Variants in PDGFRB observed in about 807,000 individuals in gnomAD.
The protein encoded by PDGFRB is platelet derived growth factor receptor beta.
In PDGFRB, 42 loss-of-function variants were observed where a neutral mutation model predicts 120.2. The observed-to-expected ratio is 0.35, with a 90% CI of 0.27 to 0.45. The LOEUF is 0.45. Among genes scored for constraint, PDGFRB ranks in the 20% least tolerant of loss-of-function variants. The probability of loss-of-function intolerance (pLI) is 1.00; values close to 1 mark genes in which losing one functional copy is unlikely to be tolerated. For synonymous variants in PDGFRB, 586 were observed against 606.8 expected, an observed-to-expected ratio of 0.97 and a Z score of 0.50; for missense variants, 1,149 against 1,476.3, an observed-to-expected ratio of 0.78 and a Z score of 3.63.
At position 150,124,718 on chromosome 5, in the gene PDGFRB, A is replaced by T. The variant is rs1416173170; in HGVS notation, c.1912+9T>A. On this transcript the variant is annotated intron_variant, in intron 13 of 22. Transcript: ENST00000261799. The stretch of plus-strand genomic sequence containing the variant: ...GGCCCAGATGTGGAGGGCTCCAAGG[A>T]CTACTCACATTTAAGCATCTTGACG... 1 of 1,346,512 alleles carries T rather than the reference A, an allele frequency of 7.4e-7. No individual in the cohort carries two copies. Among genetic ancestry groups the T allele is most frequent in the South Asian group, 1.2e-5 (1 of 83,610 alleles). 83.4% of individuals were successfully genotyped at this position (1,346,512 alleles called of 1,614,324 possible).
At position 150,121,980 on chromosome 5, in the gene PDGFRB, C is replaced by T. The variant is rs148789757; in HGVS notation, c.2244G>A (p.Ser748=). The part of the protein sequence containing the change: ...GGYMDMSKDE[S]VDYVPMLDMK... ...TGTCCAGCATGGGCACATAGTCCAC[C>T]GACTCGTCCTTGCTCATGTCCATGT... Residue 748 remains serine, a synonymous_variant, in exon 16 of 23, where the codon TCG becomes TCA. Coordinates refer to ENST00000261799, the MANE Select transcript of PDGFRB (RefSeq NM_002609.4). This position sits in a 1 kb window ranked among gnomAD's most constrained non-coding sequence, Gnocchi z 4.1. The T allele has an allele frequency of 1.9e-5, 31 of 1,613,510 alleles. 1 individual carries two copies. In the South Asian group the frequency reaches 2.7e-4, roughly 14 times the overall value.
In PDGFRB at chr5:150,115,723, G is replaced by A. The variant is rs778267993; in HGVS notation, c.*40C>T. 2.0e-4 allele frequency: 306 copies of A among 1,510,354 alleles called. 1 individual carries two copies. The highest frequency in any genetic ancestry group is 1.7e-3 in the Admixed American group (80 of 47,890). 93.6% of individuals were successfully genotyped at this position (1,510,354 alleles called of 1,614,324 possible). Reference sequence around the variant, plus strand: ...GGCCAGGAGATGCTGGGTGCTGGCAGGGGGGGAGCTTCAGGCAGGGCAGGG... The same window carrying A: ...GGCCAGGAGATGCTGGGTGCTGGCAAGGGGGGAGCTTCAGGCAGGGCAGGG... On this transcript the variant is annotated 3_prime_UTR_variant, in exon 23 of 23. Coordinates refer to ENST00000261799, the MANE Select transcript of PDGFRB (RefSeq NM_002609.4).
rs767216776 is a variant in PDGFRB at position 150,119,500 on chromosome 5, C to T, written c.2765G>A (p.Arg922His). The T allele has an allele frequency of 1.9e-6, 3 of 1,611,560 alleles. No individual in the cohort carries two copies. Among genetic ancestry groups the T allele is most frequent in the Non-Finnish European group, 2.5e-6 (3 of 1,177,634 alleles). The stretch of plus-strand genomic sequence containing the variant: ...GGAGGCATGGGCAGGCTGGGCCATG[C>T]GGTAACCCCGTTTGATGGCATTGTA... ...QFYNAIKRGY[R>H]MAQPAHASDE... is the part of the protein sequence containing the mutation. Residue 922 changes from arginine (R) to histidine (H), a missense_variant, in exon 20 of 23, where the codon CGC (arginine) becomes CAC (histidine). Arg to His is a conservative substitution (Grantham distance 29). Around this residue, in one of 3 missense-constraint regions of PDGFRB, gnomAD observed 68 missense variants for 153.3 expected, o/e 0.44. Coordinates refer to ENST00000261799, the MANE Select transcript of PDGFRB (RefSeq NM_002609.4).
At chr5:150,124,386 A>AGGCCC (rs779451120) in intron 13 of PDGFRB, 26 bp from the exon 14 acceptor site, 8 of 1,551,792 alleles carry the variant, frequency 5.2e-6, no homozygotes, top group Non-Finnish European at 7.1e-6. Context: ...GCCCCAGGCC[A>AGGCCC]GGCCCAGTCA....
chr5:150,122,173 A>AG (rs1219144989), intron 15 of PDGFRB, 133 bp from the exon 16 acceptor site: 9 of 702,274 alleles, frequency 1.3e-5, no homozygotes, highest in Non-Finnish European at 2.1e-5. Context: ...CCAGTAGGAA[A>AG]GCCTGTGGAT....
intron 19 of PDGFRB, 145 bp from the exon 20 acceptor site, chr5:150,119,711 T>C: frequency 1.6e-6 from 1 of 635,530 alleles, no homozygotes; most frequent in Non-Finnish European, 2.8e-6. Flanking sequence ...GTGGGCTCCT[T>C]CATGGGCTCT....
At chr5:150,129,647 T>G in intron 10 of PDGFRB, 110 bp downstream of exon 10, 2 of 820,172 alleles carry the variant, frequency 2.4e-6, no homozygotes, top group Non-Finnish European at 3.9e-6. Flanking sequence ...TGTTTGCCCC[T>G]GGGCATGCTA....
chr5:150,134,040 A>G, intron 4 of PDGFRB, 32 bp from the exon 5 acceptor site: 1 of 1,611,306 alleles, frequency 6.2e-7, no homozygotes, highest in Non-Finnish European at 8.5e-7. Flanking sequence ...AGGTCTGGGG[A>G]AGTCACCACC....
At chr5:150,116,990 C>G (rs1337475991) in intron 22 of PDGFRB, among the ~76,000 whole-genome samples, 1 of 152,222 alleles carries the variant, frequency 6.6e-6, no homozygotes, top group African/African-American at 2.4e-5. Context: ...TGGGCGTGGC[C>G]TCATGGGGAG....
intron 1 of PDGFRB, among the ~76,000 whole-genome samples, chr5:150,151,596 C>T (rs543763607): frequency 2.6e-4 from 39 of 152,226 alleles, no homozygotes; most frequent in Admixed American, 2.4e-3. Flanking sequence ...CGGTGGCTCA[C>T]GCCTGTAATC....
At chr5:150,139,493 CCGGGG>C (rs879367022) in intron 1 of PDGFRB, among the ~76,000 whole-genome samples, 8,345 of 151,956 alleles carry the variant, frequency 0.055, 766 homozygotes, top group African/African-American at 0.19. Flanking sequence ...ACGAATCTTA[CCGGGG>C]TGTTTTGAGG....
Position 150,115,754 on chromosome 5 carries a change from G to A in PDGFRB, c.*9C>T. On this transcript the variant is annotated 3_prime_UTR_variant, in exon 23 of 23. Transcript: ENST00000261799. ...GAGCTTCAGGCAGGGCAGGGTAGGGGCCAGCCCCCTACAGGAAGCTATCCT... is the reference window on the plus strand; with the variant it reads ...GAGCTTCAGGCAGGGCAGGGTAGGGACCAGCCCCCTACAGGAAGCTATCCT... The A allele has an allele frequency of 6.3e-7, 1 of 1,588,210 alleles. No individual in the cohort carries two copies. Among genetic ancestry groups the A allele is most frequent in the Non-Finnish European group, 8.6e-7 (1 of 1,166,496 alleles).
rs149609567 is a variant in PDGFRB, at chr5:150,155,066, C to T, written c.-7+331G>A. On this transcript the variant is annotated intron_variant, in intron 1 of 22. Transcript: ENST00000261799. ...CTACCTTCTCCCAATTCCCCTCTCC[C>T]GCTCTTCCCAGCTCTCCCCACTCCC... 2.1e-3 allele frequency among the ~76,000 whole-genome samples: 325 copies of T among 152,218 alleles called. 1 individual carries two copies. Among genetic ancestry groups the T allele is most frequent in the African/African-American group, 7.6e-3 (315 of 41,540 alleles).
intron 15 of PDGFRB, among the ~76,000 whole-genome samples, chr5:150,122,421 A>G (rs1760167910): frequency 6.6e-6 from 1 of 152,120 alleles, no homozygotes; most frequent in African/African-American, 2.4e-5. Flanking sequence ...TGCCTGTAGC[A>G]TCAGCTCCCC....
rs1562011077 is a variant in PDGFRB, at chr5:150,134,897, C to T, written c.484G>A (p.Glu162Lys). Reference sequence around the variant, plus strand: ...GGCAGTGCAACGTCCCCTTTCTTCTCGTGCAGTGTCACCACCAGCTGTGGG... The same window carrying T: ...GGCAGTGCAACGTCCCCTTTCTTCTTGTGCAGTGTCACCACCAGCTGTGGG... ...TDPQLVVTLH[E>K]KKGDVALPVP... Residue 162 changes from glutamate (E) to lysine (K), a missense_variant, in exon 4 of 23, where the codon GAG becomes AAG. Glu to Lys is a moderately conservative substitution (Grantham distance 56). This residue lies in a region of PDGFRB where 879 missense variants were observed against 1,108.6 expected (regional missense o/e 0.79). Coordinates refer to ENST00000261799, the MANE Select transcript of PDGFRB (RefSeq NM_002609.4). The T allele has an allele frequency of 1.9e-6, 3 of 1,614,112 alleles. No individual in the cohort carries two copies. Among genetic ancestry groups the T allele is most frequent in the Non-Finnish European group, 2.5e-6 (3 of 1,179,952 alleles).
Position 150,142,519 on chromosome 5 carries a change from C to T in PDGFRB, c.-6-5466G>A, listed in dbSNP as rs532183202. On this transcript the variant is annotated intron_variant, in intron 1 of 22. Coordinates refer to ENST00000261799, the MANE Select transcript of PDGFRB (RefSeq NM_002609.4). ...TGACCCAGTCCAGTCTTCTGTTCTC[C>T]GTACCGGGGCACTTTACAGGCCTGG... 3.9e-5 allele frequency among the ~76,000 whole-genome samples: 6 copies of T among 152,274 alleles called. No homozygotes were observed. The South Asian group carries it at 6.2e-4, about 16-fold the overall frequency.
intron 1 of PDGFRB, among the ~76,000 whole-genome samples, chr5:150,154,618 G>A (rs750529026): frequency 3.3e-5 from 5 of 152,198 alleles, no homozygotes; most frequent in Non-Finnish European, 7.3e-5. Flanking sequence ...TGGTGTGATT[G>A]GATTTATGCT....
At chr5:150,153,333 G>A (rs1334168749) in intron 1 of PDGFRB, 1 of 152,346 alleles carries the variant, frequency 6.6e-6, no homozygotes, top group African/African-American at 2.4e-5. Context: ...GGAGCAGTCA[G>A]ACCTGAGGCT....
In PDGFRB at chr5:150,155,443, C is replaced by T. The variant is rs1375749748; in HGVS notation, c.-53G>A. 14 of 396,548 alleles carry T rather than the reference C, an allele frequency of 3.5e-5. No individual in the cohort carries two copies. The highest frequency in any genetic ancestry group is 6.2e-4 in the Middle Eastern group (1 of 1,604). The allele number at this position is 396,548 out of a possible 1,614,324, so 24.6% of individuals were successfully genotyped here. On this transcript the variant is annotated 5_prime_UTR_variant, in exon 1 of 23. Coordinates refer to ENST00000261799, the MANE Select transcript of PDGFRB (RefSeq NM_002609.4). ...TGTGGGCACAGTTCCAGGCTCTGGA[C>T]AGTCACCCCCTCCAGGAAGTCCTCC... is the stretch of plus-strand genomic sequence containing the variant.
Sources: gnomAD v4.1 joint callset for allele counts (sites outside exome capture counted in the v4.1 genomes callset) on GRCh38, gnomAD v4.1.1 for gene constraint, gnomAD v4.1.1 regional missense constraint, Gnocchi (gnomAD v3.1) non-coding constraint, MANE v1.5 for transcripts, NCBI Gene and HGNC (gene_info 2026-07-23, HGNC 2026-07-21) for gene names.